The following CNTNAP5 variants were observed in gnomAD, a reference collection of about 807,000 sequenced individuals.
The protein encoded by CNTNAP5 is contactin-associated protein-like 5.
In CNTNAP5, 72 loss-of-function variants were observed where a neutral mutation model predicts 150.2. The ratio of observed to expected loss-of-function variants is 0.48; its 90% CI spans 0.40 to 0.58. The LOEUF is 0.58. Among genes scored for constraint, CNTNAP5 ranks in the 20% least tolerant of loss-of-function variants. The pLI, the probability that CNTNAP5 is intolerant of heterozygous loss-of-function variation, is 0.00. For synonymous variants in CNTNAP5, 672 were observed against 619.8 expected (o/e 1.08, Z -1.25); for missense variants, 1,636 against 1,626.2 (o/e 1.01, Z -0.10).
chr2:124,037,936 C>G (rs1681270250), intron 1 of CNTNAP5, among the ~76,000 whole-genome samples: 1 of 152,118 alleles, frequency 6.6e-6, no homozygotes, highest in African/African-American at 2.4e-5. Context: ...AAATTTTGTA[C>G]TAATTAGAAA....
chr2:124,300,303 A>C (rs918007420), intron 3 of CNTNAP5, among the ~76,000 whole-genome samples: 1 of 152,190 alleles, frequency 6.6e-6, no homozygotes, highest in East Asian at 1.9e-4. Flanking sequence ...GAACCCAAAC[A>C]TTTCCGTAAT....
At chr2:124,317,889 G>A (rs890973907) in intron 3 of CNTNAP5, among the ~76,000 whole-genome samples, 6 of 152,172 alleles carry the variant, frequency 3.9e-5, no homozygotes, top group Non-Finnish European at 8.8e-5. Flanking sequence ...CTAGAGATGT[G>A]AAGCCAGCAG....
Position 124,238,073 on chromosome 2 carries a change from C to T in CNTNAP5, c.188-4127C>T, listed in dbSNP as rs914743652. ...GGCTACTGCTGATTTCCATGAGAAT[C>T]AACTGAGATACTGGAAACAATGTCA... On this transcript the variant is annotated intron_variant, in intron 2 of 23. Coordinates refer to ENST00000682447, the MANE Select transcript of CNTNAP5 (RefSeq NM_001367498.1). Among the ~76,000 whole-genome samples the T allele has an allele frequency of 3.3e-5, 5 of 152,096 alleles. No individual in the cohort carries two copies. In the South Asian group the frequency reaches 1.0e-3, roughly 32 times the overall value.
intron 1 of CNTNAP5, among the ~76,000 whole-genome samples, chr2:124,216,026 C>G (rs993531869): frequency 2.0e-5 from 3 of 152,084 alleles, no homozygotes; most frequent in Admixed American, 6.6e-5. Flanking sequence ...CCCCCCAAAC[C>G]CTTATATATA....
chr2:124,406,051 A>C (rs182202938), intron 3 of CNTNAP5, among the ~76,000 whole-genome samples: 2 of 152,324 alleles, frequency 1.3e-5, no homozygotes, highest in East Asian at 3.9e-4. Flanking sequence ...CATGCAATTC[A>C]AACTAATTTC....
chr2:124,378,269 TA>T lies in CNTNAP5; in HGVS notation c.382-39164del, dbSNP rs571959839. Among the ~76,000 whole-genome samples, 381 of 148,066 alleles carry T rather than the reference TA, an allele frequency of 2.6e-3. 2 individuals carry two copies. The highest frequency in any genetic ancestry group is 5.4e-3 in the African/African-American group (220 of 40,474). On this transcript the variant is annotated intron_variant, in intron 3 of 23. Transcript: ENST00000682447. The stretch of plus-strand genomic sequence containing the variant: ...ATCAACCGTATGTAATTTACACAAT[TA>T]AAAAAAAAACATGCTTTTTTAAAAG...
chr2:124,677,472 G>A (rs1678969376), intron 13 of CNTNAP5, among the ~76,000 whole-genome samples: 1 of 152,186 alleles, frequency 6.6e-6, no homozygotes, highest in Non-Finnish European at 1.5e-5. Context: ...CCCTTATTTG[G>A]CCCCGCCCAC....
At chr2:124,383,831 A>G (rs1262305127) in intron 3 of CNTNAP5, among the ~76,000 whole-genome samples, 1 of 152,184 alleles carries the variant, frequency 6.6e-6, no homozygotes, top group Non-Finnish European at 1.5e-5. Flanking sequence ...CTTTAATAAT[A>G]ATAAAGTCCT....
chr2:124,821,903 G>T (rs1054847352), intron 19 of CNTNAP5, among the ~76,000 whole-genome samples: 1 of 152,182 alleles, frequency 6.6e-6, no homozygotes, highest in Non-Finnish European at 1.5e-5. Context: ...ATGTGGTTTG[G>T]TCCTACAGCT....
At chr2:124,540,126 A>T (rs1695343857) in intron 10 of CNTNAP5, among the ~76,000 whole-genome samples, 2 of 152,224 alleles carry the variant, frequency 1.3e-5, no homozygotes, top group South Asian at 4.1e-4. Context: ...GGTCTAGTAC[A>T]TCCAGAACAC....
chr2:124,378,920 G>A (rs1431989338), intron 3 of CNTNAP5, among the ~76,000 whole-genome samples: 3 of 152,100 alleles, frequency 2.0e-5, no homozygotes, highest in Admixed American at 1.3e-4. Flanking sequence ...TACCTTACAT[G>A]TGAGGATTGC....
intron 7 of CNTNAP5, among the ~76,000 whole-genome samples, chr2:124,497,160 A>G (rs1449790804): frequency 6.6e-6 from 1 of 152,200 alleles, no homozygotes; most frequent in Non-Finnish European, 1.5e-5. Context: ...AAAGCAGAGC[A>G]GCCAACAACT....
chr2:124,366,818 G>A (rs530628648), intron 3 of CNTNAP5, among the ~76,000 whole-genome samples: 62 of 152,026 alleles, frequency 4.1e-4, no homozygotes, highest in Non-Finnish European at 6.9e-4. Context: ...TCCCAGCCTC[G>A]CTCCTACACA....
At chr2:124,824,350 C>G (rs1682550707) in intron 19 of CNTNAP5, among the ~76,000 whole-genome samples, 1 of 152,092 alleles carries the variant, frequency 6.6e-6, no homozygotes. Flanking sequence ...CTGCTTATTC[C>G]TCTGCTGTAC....
At chr2:124,435,261 C>T (rs926787998) in intron 5 of CNTNAP5, among the ~76,000 whole-genome samples, 1 of 152,082 alleles carries the variant, frequency 6.6e-6, no homozygotes, top group African/African-American at 2.4e-5. Context: ...CCTCCTGACT[C>T]CACACAGTTA....
intron 3 of CNTNAP5, among the ~76,000 whole-genome samples, chr2:124,279,090 C>T (rs1260771127): frequency 2.0e-5 from 3 of 152,266 alleles, no homozygotes; most frequent in East Asian, 3.9e-4. Flanking sequence ...GACCTAATAG[C>T]CAAGTATTTC....
rs1403452387 is a variant in CNTNAP5 at position 124,507,450 on chromosome 2, T to A, written c.1327+2894T>A. Reference sequence around the variant, plus strand: ...CTCCAGCTTGGGTGGCAAAATGAGATCCCATCTCAAAAAAACAAAACAACA... The same window carrying A: ...CTCCAGCTTGGGTGGCAAAATGAGAACCCATCTCAAAAAAACAAAACAACA... On this transcript the variant is annotated intron_variant, in intron 8 of 23. Coordinates refer to ENST00000682447, the MANE Select transcript of CNTNAP5 (RefSeq NM_001367498.1). Among the ~76,000 whole-genome samples the A allele has an allele frequency of 2.0e-5, 3 of 151,500 alleles. No homozygotes were observed. The East Asian group carries it at 5.8e-4, about 29-fold the overall frequency.
intron 1 of CNTNAP5, among the ~76,000 whole-genome samples, chr2:124,058,158 A>G (rs1681906295): frequency 6.6e-6 from 1 of 152,192 alleles, no homozygotes; most frequent in Admixed American, 6.5e-5. Flanking sequence ...AGACATCAAC[A>G]CAGATCCCCT....
intron 1 of CNTNAP5, among the ~76,000 whole-genome samples, chr2:124,105,634 C>T (rs1023706140): frequency 4.0e-5 from 6 of 151,852 alleles, no homozygotes; most frequent in African/African-American, 1.2e-4. Context: ...TTCATTGTTG[C>T]CATTTTTCTA....
Sources: gnomAD v4.1 joint callset for allele counts (sites outside exome capture counted in the v4.1 genomes callset) on GRCh38, gnomAD v4.1.1 for gene constraint, MANE v1.5 for transcripts, NCBI Gene and HGNC (gene_info 2026-07-23, HGNC 2026-07-21) for gene names.